CSMD1: variants seen among roughly 807,000 people sequenced by gnomAD.
CSMD1 encodes the protein CUB and Sushi multiple domains 1, also known as CUB and sushi domain-containing protein 1.
CSMD1 carries 213 observed loss-of-function variants against 417.5 expected under a neutral mutation model. The ratio of observed to expected loss-of-function variants is 0.51; its 90% CI spans 0.46 to 0.57. CSMD1 has a LOEUF of 0.57. Ranked by LOEUF, CSMD1 falls within the 20% of genes least tolerant of loss-of-function variation. CSMD1 has a pLI of 0.00. For synonymous variants in CSMD1, 2,862 were observed against 1,736.8 expected, an observed-to-expected ratio of 1.65 and a Z score of -16.11; for missense variants, 6,923 against 4,529.7, an observed-to-expected ratio of 1.53 and a Z score of -15.17.
At chr8:4,175,720 G>C (rs768084580) in intron 3 of CSMD1, among the ~76,000 whole-genome samples, 24 of 152,236 alleles carry the variant, frequency 1.6e-4, no homozygotes, top group African/African-American at 5.1e-4. Flanking sequence ...TATTGTCCAA[G>C]AGAATGTTGC....
At chr8:4,917,119 C>A (rs190224963) in intron 1 of CSMD1, among the ~76,000 whole-genome samples, 67 of 152,222 alleles carry the variant, frequency 4.4e-4, no homozygotes, top group African/African-American at 1.5e-3. Context: ...AACTTACAGT[C>A]ATGGTGGAAG....
intron 1 of CSMD1, among the ~76,000 whole-genome samples, chr8:4,655,982 G>C (rs1197515692): frequency 6.6e-6 from 1 of 152,080 alleles, no homozygotes; most frequent in African/African-American, 2.4e-5. Context: ...CAGAGGGTTG[G>C]ACAATAAAAA....
chr8:3,622,882 T>C (rs908449047), intron 7 of CSMD1, among the ~76,000 whole-genome samples: 1 of 152,202 alleles, frequency 6.6e-6, no homozygotes, highest in South Asian at 2.1e-4. Context: ...TCAAGAGGAA[T>C]CCTTAGTACC....
At chr8:3,982,992 G>A (rs192437527) in intron 5 of CSMD1, among the ~76,000 whole-genome samples, 1 of 152,100 alleles carries the variant, frequency 6.6e-6, no homozygotes, top group Admixed American at 6.6e-5. Context: ...GGCCCCTAGA[G>A]CTAGTTAGTA....
chr8:3,190,145 T>A (rs1293178118), intron 33 of CSMD1, 30 bp from the exon 34 acceptor site: 4 of 1,540,574 alleles, frequency 2.6e-6, no homozygotes, highest in Non-Finnish European at 3.5e-6. Context: ...CACAGCCGTC[T>A]GTATCTCCAT....
At chr8:4,814,289 A>C (rs988449497) in intron 1 of CSMD1, among the ~76,000 whole-genome samples, 1 of 152,134 alleles carries the variant, frequency 6.6e-6, no homozygotes. Flanking sequence ...CTTAATGGCC[A>C]GGCTGGAGCG....
intron 1 of CSMD1, among the ~76,000 whole-genome samples, chr8:4,733,525 AAGAT>A (rs1810034773): frequency 6.6e-6 from 1 of 152,218 alleles, no homozygotes; most frequent in East Asian, 1.9e-4. Context: ...TGCAACAAGG[AAGAT>A]AGATAGTGCA....
intron 3 of CSMD1, among the ~76,000 whole-genome samples, chr8:4,096,696 G>A (rs1030592574): frequency 5.7e-4 from 87 of 152,292 alleles, no homozygotes; most frequent in African/African-American, 1.8e-3. Context: ...TTCCAAAAGC[G>A]TCACTCACTA....
chr8:3,828,634 G>A (rs367928643), intron 5 of CSMD1, among the ~76,000 whole-genome samples: 11 of 151,966 alleles, frequency 7.2e-5, no homozygotes, highest in African/African-American at 1.7e-4. Context: ...CCCAGTCATC[G>A]TCACACCTAT....
chr8:4,092,552 A>G (rs944172722), intron 3 of CSMD1, among the ~76,000 whole-genome samples: 7 of 152,226 alleles, frequency 4.6e-5, no homozygotes, highest in Admixed American at 2.6e-4. Flanking sequence ...AAATTATTTT[A>G]AAGAAATGTG....
chr8:4,701,116 C>T (rs186119151), intron 1 of CSMD1, among the ~76,000 whole-genome samples: 44 of 152,126 alleles, frequency 2.9e-4, no homozygotes, highest in Admixed American at 1.4e-3. Flanking sequence ...GTGAATGTTG[C>T]AACTCCTTCA....
intron 5 of CSMD1, among the ~76,000 whole-genome samples, chr8:3,925,322 C>T (rs1809574927): frequency 6.6e-6 from 1 of 152,126 alleles, no homozygotes; most frequent in South Asian, 2.1e-4. Flanking sequence ...AGTACTTGTG[C>T]ATTTATATAT....
At chr8:3,770,460 C>A (rs960804024) in intron 5 of CSMD1, among the ~76,000 whole-genome samples, 1 of 152,066 alleles carries the variant, frequency 6.6e-6, no homozygotes, top group African/African-American at 2.4e-5. Flanking sequence ...ACCCAAGAGG[C>A]AGAGATTGCA....
At chr8:3,373,441 T>A (rs1810102702) in intron 18 of CSMD1, 1 of 152,246 alleles carries the variant, frequency 6.6e-6, no homozygotes, top group Non-Finnish European at 1.5e-5. Context: ...TCAGTTATCA[T>A]GAAGACTTTA....
At chr8:4,764,810 T>G (rs1388620210) in intron 1 of CSMD1, among the ~76,000 whole-genome samples, 1 of 144,976 alleles carries the variant, frequency 6.9e-6, no homozygotes, top group African/African-American at 2.6e-5. Context: ...GAGGCAGAGC[T>G]TGCGGTGAGC....
At chr8:4,915,094 T>C (rs1387239734) in intron 1 of CSMD1, among the ~76,000 whole-genome samples, 1 of 152,146 alleles carries the variant, frequency 6.6e-6, no homozygotes, top group Non-Finnish European at 1.5e-5. Flanking sequence ...TGTAATATGG[T>C]CAGGCCGAGT....
chr8:3,899,771 A>C (rs1807607207), intron 5 of CSMD1, among the ~76,000 whole-genome samples: 1 of 152,158 alleles, frequency 6.6e-6, no homozygotes, highest in African/African-American at 2.4e-5. Context: ...CTTTCAGGGC[A>C]CAGTTTTGAC....
At chr8:3,652,751 G>A (rs1585022254) in intron 7 of CSMD1, among the ~76,000 whole-genome samples, 2 of 152,156 alleles carry the variant, frequency 1.3e-5, no homozygotes, top group Non-Finnish European at 2.9e-5. Context: ...GATTATTACA[G>A]TTCAAGGTGA....
intron 5 of CSMD1, among the ~76,000 whole-genome samples, chr8:3,988,150 G>A (rs914801958): frequency 1.3e-5 from 2 of 152,040 alleles, no homozygotes; most frequent in African/African-American, 2.4e-5. Context: ...CTGGGCAGTT[G>A]GGCTGGTTCA....
Sources: gnomAD v4.1 joint callset for allele counts (sites outside exome capture counted in the v4.1 genomes callset) on GRCh38, gnomAD v4.1.1 for gene constraint, MANE v1.5 for transcripts, NCBI Gene and HGNC (gene_info 2026-07-23, HGNC 2026-07-21) for gene names.